AJAP1: variants seen among roughly 807,000 people sequenced by gnomAD.
AJAP1 encodes the protein adherens junction-associated protein 1.
A neutral mutation model predicts 35.0 loss-of-function variants in AJAP1; 5 were observed. That is an observed-to-expected ratio of 0.14 (90% CI 0.07 to 0.30). The LOEUF (loss-of-function observed/expected upper bound fraction) is 0.30. Among genes scored for constraint, AJAP1 ranks in the 10% least tolerant of loss-of-function variants. The pLI is 1.00. For synonymous variants in AJAP1, 284 were observed against 249.3 expected, an observed-to-expected ratio of 1.14 and a Z score of -1.31; for missense variants, 586 against 571.0, an observed-to-expected ratio of 1.03 and a Z score of -0.27.
intron 1 of AJAP1, among the ~76,000 whole-genome samples, chr1:4,660,370 G>C (rs1557597466): frequency 6.6e-6 from 1 of 152,130 alleles, no homozygotes; most frequent in Non-Finnish European, 1.5e-5. Context: ...GCAACATCAG[G>C]CCTCCTTGTT....
At chr1:4,772,552 C>A (rs1277596267) in intron 4 of AJAP1, 27 bp downstream of exon 4, 8 of 1,607,644 alleles carry the variant, frequency 5.0e-6, no homozygotes, top group Non-Finnish European at 6.0e-6. Context: ...CTAGACCCTG[C>A]AGCTGTGAAG....
intron 1 of AJAP1, among the ~76,000 whole-genome samples, chr1:4,675,900 A>C (rs1639351878): frequency 6.6e-6 from 1 of 152,208 alleles, no homozygotes; most frequent in African/African-American, 2.4e-5. Context: ...CCCGCTAAGG[A>C]AGACATTCTG....
At chr1:4,707,703 G>A (rs1371656921) in intron 1 of AJAP1, among the ~76,000 whole-genome samples, 2 of 152,122 alleles carry the variant, frequency 1.3e-5, no homozygotes, top group African/African-American at 4.8e-5. Flanking sequence ...ACTGTTGTGA[G>A]TTGTGAGTGT....
intron 2 of AJAP1, among the ~76,000 whole-genome samples, chr1:4,748,311 A>G (rs1641239413): frequency 6.6e-6 from 1 of 152,130 alleles, no homozygotes; most frequent in Non-Finnish European, 1.5e-5. Context: ...TGGGTGTGTT[A>G]CATGCATGAT....
chr1:4,743,966 C>A (rs1044476112), intron 2 of AJAP1, among the ~76,000 whole-genome samples: 1 of 151,790 alleles, frequency 6.6e-6, no homozygotes, highest in African/African-American at 2.4e-5. Flanking sequence ...GGTTGGGATG[C>A]GGAGGTGAAG....
At chr1:4,691,164 G>A (rs1639730390) in intron 1 of AJAP1, among the ~76,000 whole-genome samples, 1 of 152,228 alleles carries the variant, frequency 6.6e-6, no homozygotes, top group African/African-American at 2.4e-5. Context: ...GAAGCCAGGA[G>A]CCCAGAGTCC....
intron 1 of AJAP1, among the ~76,000 whole-genome samples, chr1:4,658,284 CTTTTG>C (rs1638927810): frequency 6.6e-6 from 1 of 152,198 alleles, no homozygotes; most frequent in Non-Finnish European, 1.5e-5. Flanking sequence ...TCTGGGGCCC[CTTTTG>C]TTTGGGAGGC....
chr1:4,667,589 G>A (rs1307085263), intron 1 of AJAP1, among the ~76,000 whole-genome samples: 3 of 152,210 alleles, frequency 2.0e-5, no homozygotes, highest in Non-Finnish European at 2.9e-5. Flanking sequence ...AGTGCCCCTG[G>A]AAGAATCTAA....
At chr1:4,761,720 C>G (rs761337282) in intron 2 of AJAP1, among the ~76,000 whole-genome samples, 1 of 152,200 alleles carries the variant, frequency 6.6e-6, no homozygotes, top group Non-Finnish European at 1.5e-5. Flanking sequence ...GGAAGCCAGT[C>G]TGAGTCCAAA....
chr1:4,669,371 A>G (rs1639201282), intron 1 of AJAP1, among the ~76,000 whole-genome samples: 1 of 152,178 alleles, frequency 6.6e-6, no homozygotes, highest in South Asian at 2.1e-4. Flanking sequence ...GGTTTAATTG[A>G]CTCACAGTTC....
rs186885822 is a variant in AJAP1, at chr1:4,664,624, T to C, written c.29+9170T>C. Among the ~76,000 whole-genome samples the C allele has an allele frequency of 2.6e-5, 4 of 152,268 alleles. No individual in the cohort carries two copies. In the East Asian group the frequency reaches 7.7e-4, roughly 29 times the overall value. On this transcript the variant is annotated intron_variant, in intron 1 of 5. Transcript: ENST00000378191. ...TTTTTACACAGGTGAAGAAAGAGAA[T>C]GGACCCAGGAGAGAGCTGGCGATTT...
intron 1 of AJAP1, among the ~76,000 whole-genome samples, chr1:4,663,961 A>G (rs566312593): frequency 1.3e-5 from 2 of 152,084 alleles, no homozygotes; most frequent in African/African-American, 4.8e-5. Context: ...TCTCATAAAC[A>G]CCCTCACTGA....
intron 2 of AJAP1, among the ~76,000 whole-genome samples, chr1:4,735,584 A>G (rs1008396357): frequency 1.3e-5 from 2 of 152,352 alleles, no homozygotes. Context: ...AGCCAGGGAC[A>G]TTCAGGAGGC....
chr1:4,782,635 C>CCGCACCTA lies in AJAP1; in HGVS notation c.*152_*159dup. ...CTGAGCTATCTAAGGGGGAGGGTCC[C>CCGCACCTA]CGCACCTACCACTTCTGTTTGCCGG... On this transcript the variant is annotated 3_prime_UTR_variant, in exon 6 of 6. Transcript: ENST00000378191. This position sits in a 1 kb window ranked among gnomAD's most constrained non-coding sequence, Gnocchi z 5.3. 2.5e-6 allele frequency: 1 copy of CCGCACCTA among 397,960 alleles called. No individual in the cohort carries two copies. The highest frequency in any genetic ancestry group is 4.4e-6 in the Non-Finnish European group (1 of 226,000). The allele number at this position is 397,960 out of a possible 1,614,324, so 24.7% of individuals were successfully genotyped here. A position where few individuals can be genotyped will look rare whatever the true frequency, so the allele number is the denominator to read the frequency against.
At chr1:4,676,459 G>A (rs1639365603) in intron 1 of AJAP1, among the ~76,000 whole-genome samples, 2 of 152,090 alleles carry the variant, frequency 1.3e-5, no homozygotes, top group East Asian at 1.9e-4. Context: ...CCTAGCTCTC[G>A]TCGTCCTGGG....
In AJAP1 at chr1:4,712,506, G is replaced by A; in HGVS notation, c.636G>A (p.Arg212=). Residue 212 remains arginine (R), a synonymous_variant, in exon 2 of 6, where the codon CGG becomes CGA. Transcript: ENST00000378191. The part of the protein sequence containing the change: ...GPTTVSILQT[R]KTTVAATTTT... ...CCACGGTCTCCATCCTACAAACACG[G>A]AAGACAACTGTGGCCGCCACCACCA... 3 of 1,612,762 alleles carry A rather than the reference G, an allele frequency of 1.9e-6. No homozygotes were observed. Among genetic ancestry groups the A allele is most frequent in the Non-Finnish European group, 2.5e-6 (3 of 1,179,600 alleles).
intron 2 of AJAP1, among the ~76,000 whole-genome samples, chr1:4,740,097 G>A (rs61766961): frequency 0.13 from 19,197 of 152,010 alleles, 1,414 homozygotes; most frequent in Middle Eastern, 0.19. Flanking sequence ...TACAATATTC[G>A]AAGTCACACC....
chr1:4,783,069 A>T lies in AJAP1; in HGVS notation c.*584A>T. 2.6e-6 allele frequency: 1 copy of T among 380,244 alleles called. No homozygotes were observed. The highest frequency in any genetic ancestry group is 4.5e-5 in the Admixed American group (1 of 22,258). 23.6% of individuals were successfully genotyped at this position (380,244 alleles called of 1,614,324 possible). ...ACACACACTTTTTTTGTACTGTAGC[A>T]ATTTTTGAAGATCTTAAATGTTCCT... On this transcript the variant is annotated 3_prime_UTR_variant, in exon 6 of 6. Coordinates refer to ENST00000378191, the MANE Select transcript of AJAP1 (RefSeq NM_018836.4).
intron 1 of AJAP1, among the ~76,000 whole-genome samples, chr1:4,669,888 T>A (rs1639213999): frequency 6.6e-6 from 1 of 152,158 alleles, no homozygotes; most frequent in Admixed American, 6.5e-5. Flanking sequence ...CATGTACAGG[T>A]GTCTGTTTCG....
Sources: gnomAD v4.1 joint callset for allele counts (sites outside exome capture counted in the v4.1 genomes callset) on GRCh38, gnomAD v4.1.1 for gene constraint, Gnocchi (gnomAD v3.1) non-coding constraint, MANE v1.5 for transcripts, NCBI Gene and HGNC (gene_info 2026-07-23, HGNC 2026-07-21) for gene names.